POU3F3: variants seen among roughly 807,000 people sequenced by gnomAD.
POU3F3 encodes POU class 3 homeobox 3.
A neutral mutation model predicts 8.6 loss-of-function variants in POU3F3; 1 was observed. That is an observed-to-expected ratio of 0.12 (90% CI 0.04 to 0.55). The LOEUF (loss-of-function observed/expected upper bound fraction) is 0.55. Among genes scored for constraint, POU3F3 ranks in the 20% least tolerant of loss-of-function variants. The pLI is 0.91. For missense variants in POU3F3, 577 were observed against 690.7 expected (o/e 0.84, Z 1.84); for synonymous variants, 418 against 327.4 (o/e 1.28, Z -2.99).
chr2:104,870,473 A>G, the POU3F3 span, among the ~76,000 whole-genome samples: 1 of 152,244 alleles, frequency 6.6e-6, no homozygotes, highest in Non-Finnish European at 1.5e-5. Flanking sequence ...CATCAGAACC[A>G]GATGCTGCTG....
the POU3F3 span, among the ~76,000 whole-genome samples, chr2:104,884,871 G>A: frequency 6.6e-6 from 1 of 152,176 alleles, no homozygotes; most frequent in Non-Finnish European, 1.5e-5. Flanking sequence ...GAGAGAAGGA[G>A]AGGTTATTTC....
Position 104,855,508 on chromosome 2 carries a change from G to T in POU3F3, c.-3G>T. 9.9e-7 allele frequency: 1 copy of T among 1,006,686 alleles called. No homozygotes were observed. Among genetic ancestry groups the T allele is most frequent in the Non-Finnish European group, 1.2e-6 (1 of 843,184 alleles). 62.4% of individuals were successfully genotyped at this position (1,006,686 alleles called of 1,614,324 possible). ...GGCGGTGGGGTGGCGGGAGCGGAGC[G>T]GCATGGCCACGGCGGCTTCTAACCC... is the stretch of plus-strand genomic sequence containing the variant. On this transcript the variant is annotated 5_prime_UTR_variant, in exon 1 of 1. Transcript: ENST00000361360.
chr2:104,911,949 C>T, the POU3F3 span, among the ~76,000 whole-genome samples: 3 of 152,034 alleles, frequency 2.0e-5, no homozygotes, highest in African/African-American at 7.3e-5. Context: ...ACTTAAGAGC[C>T]AATTTTCCAA....
At chr2:104,919,974 G>A in the POU3F3 span, among the ~76,000 whole-genome samples, 3 of 151,796 alleles carry the variant, frequency 2.0e-5, no homozygotes, top group South Asian at 2.1e-4. Context: ...GCTTTATTTC[G>A]GGGCACAGGA....
downstream of POU3F3, among the ~76,000 whole-genome samples, chr2:104,863,402 T>G (rs1490157342): frequency 1.3e-5 from 2 of 152,050 alleles, no homozygotes; most frequent in Non-Finnish European, 2.9e-5. Context: ...TGGCGATAAC[T>G]TTCTGCAGGG....
At chr2:104,895,081 GTGTGTGTGTGTGTGT>G in the POU3F3 span, among the ~76,000 whole-genome samples, 2 of 151,892 alleles carry the variant, frequency 1.3e-5, no homozygotes, top group Non-Finnish European at 2.9e-5. Flanking sequence ...GTGTGTGTGT[GTGTGTGTGTGTGTGT>G]ATTTTCTCAC....
At chr2:104,906,276 G>A in the POU3F3 span, among the ~76,000 whole-genome samples, 1 of 152,168 alleles carries the variant, frequency 6.6e-6, no homozygotes, top group Non-Finnish European at 1.5e-5. Context: ...CAATCTGCAT[G>A]TAATACCCCA....
the POU3F3 span, among the ~76,000 whole-genome samples, chr2:104,882,672 A>T: frequency 1.3e-5 from 2 of 152,212 alleles, no homozygotes; most frequent in African/African-American, 2.4e-5. Flanking sequence ...GACTTTTAAG[A>T]TCTCAAACAT....
the POU3F3 span, among the ~76,000 whole-genome samples, chr2:104,916,551 C>T: frequency 1.3e-5 from 2 of 152,176 alleles, no homozygotes; most frequent in African/African-American, 4.8e-5. Context: ...GGGCCTCTTT[C>T]CACAGGGCCG....
downstream of POU3F3, chr2:104,858,622 T>C (rs1321327979): frequency 6.6e-6 from 1 of 152,184 alleles, no homozygotes; most frequent in Non-Finnish European, 1.5e-5. Flanking sequence ...AAAGAGTTCT[T>C]TAAGAAATAT....
the POU3F3 span, among the ~76,000 whole-genome samples, chr2:104,891,690 C>G: frequency 5.9e-5 from 9 of 152,196 alleles, no homozygotes; most frequent in Non-Finnish European, 5.9e-5. Context: ...AGGCACTTCT[C>G]TTCCATCACG....
At chr2:104,889,635 C>T in the POU3F3 span, among the ~76,000 whole-genome samples, 18 of 152,338 alleles carry the variant, frequency 1.2e-4, no homozygotes, top group Middle Eastern at 3.4e-3. Flanking sequence ...ATAAGGGCCA[C>T]CTCTTTAAGA....
At chr2:104,883,470 G>T in the POU3F3 span, among the ~76,000 whole-genome samples, 1 of 152,202 alleles carries the variant, frequency 6.6e-6, no homozygotes, top group African/African-American at 2.4e-5. Flanking sequence ...GAAACCAGCA[G>T]GTCTTTCCTC....
the POU3F3 span, among the ~76,000 whole-genome samples, chr2:104,921,538 GAGCAGCTTGCC>G: frequency 6.6e-6 from 1 of 152,110 alleles, no homozygotes; most frequent in African/African-American, 2.4e-5. Flanking sequence ...TGGGTTCCTG[GAGCAGCTTGCC>G]AGCAGCATCA....
chr2:104,868,044 G>T, the POU3F3 span: 3 of 353,624 alleles, frequency 8.5e-6, no homozygotes, highest in Non-Finnish European at 1.7e-5. Flanking sequence ...GTTGGGAAAG[G>T]ATTGGCGCCC....
chr2:104,927,050 C>T, the POU3F3 span, among the ~76,000 whole-genome samples: 2 of 152,032 alleles, frequency 1.3e-5, no homozygotes, highest in African/African-American at 4.8e-5. Flanking sequence ...GTGTGTATAC[C>T]TATGTAACAA....
At chr2:104,886,920 TA>T in the POU3F3 span, among the ~76,000 whole-genome samples, 3 of 149,812 alleles carry the variant, frequency 2.0e-5, no homozygotes, top group Non-Finnish European at 3.0e-5. Context: ...AAATAAAAAA[TA>T]AAAAAATTTA....
chr2:104,913,931 T>C, the POU3F3 span, among the ~76,000 whole-genome samples: 2 of 152,176 alleles, frequency 1.3e-5, no homozygotes, highest in African/African-American at 4.8e-5. Flanking sequence ...TAGCGGAGGC[T>C]CATTCACAGT....
At chr2:104,877,587 G>A in the POU3F3 span, among the ~76,000 whole-genome samples, 8 of 152,142 alleles carry the variant, frequency 5.3e-5, no homozygotes, top group Non-Finnish European at 1.2e-4. Flanking sequence ...TGTGTGCAGT[G>A]TGTGTGGCCT....
Sources: gnomAD v4.1 joint callset for allele counts (sites outside exome capture counted in the v4.1 genomes callset) on GRCh38, gnomAD v4.1.1 for gene constraint, MANE v1.5 for transcripts, NCBI Gene and HGNC (gene_info 2026-07-23, HGNC 2026-07-21) for gene names.